The following DDIAS variants were observed in gnomAD, a reference collection of about 807,000 sequenced individuals.
DDIAS encodes DNA damage-induced apoptosis suppressor protein.
DDIAS carries 14 observed loss-of-function variants against 15.7 expected under a neutral mutation model. That is an observed-to-expected ratio of 0.89 (90% CI 0.59 to 1.39). The LOEUF is 1.39. Ranked by LOEUF, DDIAS falls within the 40% of genes most tolerant of loss-of-function variation. DDIAS has a pLI of 0.00. For missense variants in DDIAS, 1,035 were observed against 1,130.9 expected, an observed-to-expected ratio of 0.92 and a Z score of 1.22; for synonymous variants, 355 against 395.9, an observed-to-expected ratio of 0.90 and a Z score of 1.23.
chr11:82,928,177 C>CTTTTTTTTTTTTTTTTTTTTTTTTTT, intron 3 of DDIAS, among the ~76,000 whole-genome samples: 1 of 34,172 alleles, frequency 2.9e-5, no homozygotes, highest in Non-Finnish European at 5.6e-5. Flanking sequence ...TTTTTGTCCT[C>CTTTTTTTTTTTTTTTTTTTTTTTTTT]TTTTTTTTTT....
Position 82,934,469 on chromosome 11 carries a change from A to C in DDIAS, c.*134A>C. The C allele has an allele frequency of 1.2e-6, 1 of 860,092 alleles. No homozygotes were observed. The highest frequency in any genetic ancestry group is 3.4e-5 in the Admixed American group (1 of 29,760). 53.3% of individuals were successfully genotyped at this position (860,092 alleles called of 1,614,324 possible). On this transcript the variant is annotated 3_prime_UTR_variant, in exon 6 of 6. Coordinates refer to ENST00000533655, the MANE Select transcript of DDIAS (RefSeq NM_145018.4). ...TGAAAACAGGACTCTGCTGGGAGCT[A>C]CTGTGCCTTTTAAAATATAAAGCCA...
In DDIAS at chr11:82,928,839, T is replaced by G; in HGVS notation, c.176T>G (p.Leu59Arg). The change falls in exon 4 of 6, where the codon CTT becomes CGT. Residue 59 changes from leucine to arginine, a missense_variant. Leu to Arg is a moderately radical substitution (Grantham distance 102). Coordinates refer to ENST00000533655, the MANE Select transcript of DDIAS (RefSeq NM_145018.4). ...ESGNANYRYK[L>R]SLKVAESNKL... Reference sequence around the variant, plus strand: ...GGAAATGCCAATTACAGATACAAACTTTCCTTAAAAGTTGCAGAATCAAAC... The same window carrying G: ...GGAAATGCCAATTACAGATACAAACGTTCCTTAAAAGTTGCAGAATCAAAC... 2 of 1,613,338 alleles carry G rather than the reference T, an allele frequency of 1.2e-6. No homozygotes were observed. Among genetic ancestry groups the G allele is most frequent in the Non-Finnish European group, 1.7e-6 (2 of 1,179,752 alleles).
At chr11:82,904,887 C>T (rs1403831756) in intron 1 of DDIAS, among the ~76,000 whole-genome samples, 1 of 152,210 alleles carries the variant, frequency 6.6e-6, no homozygotes, top group Admixed American at 6.5e-5. Context: ...AACAGCTCTT[C>T]TTCAAGCAAC....
chr11:82,917,775 T>A (rs978489451), intron 3 of DDIAS, among the ~76,000 whole-genome samples: 3 of 152,218 alleles, frequency 2.0e-5, no homozygotes, highest in Non-Finnish European at 2.9e-5. Context: ...AATGTAGAAG[T>A]GTTCTCTGAT....
intron 3 of DDIAS, among the ~76,000 whole-genome samples, chr11:82,921,363 T>C (rs994711913): frequency 6.6e-6 from 1 of 152,134 alleles, no homozygotes; most frequent in Admixed American, 6.5e-5. Flanking sequence ...CCATTTACAT[T>C]CGATGTTAGT....
Position 82,928,820 on chromosome 11 carries a change from G to A in DDIAS, c.157G>A (p.Ala53Thr), listed in dbSNP as rs1302200658. Reference protein sequence around the residue: ...KCGSTGESGNANYRYKLSLKV... With the variant: ...KCGSTGESGNTNYRYKLSLKV... ...TGGCTCTACTGGTGAATCTGGAAAT[G>A]CCAATTACAGATACAAACTTTCCTT... The change falls in exon 4 of 6, where the codon GCC becomes ACC. Residue 53 changes from alanine (A) to threonine (T), a missense_variant. By Grantham distance (58) the Ala-to-Thr change is moderately conservative (BLOSUM62 0). Coordinates refer to ENST00000533655, the MANE Select transcript of DDIAS (RefSeq NM_145018.4). 1 of 1,613,388 alleles carries A rather than the reference G, an allele frequency of 6.2e-7. No individual in the cohort carries two copies. The highest frequency in any genetic ancestry group is 1.1e-5 in the South Asian group (1 of 90,894).
At chr11:82,910,638 A>G (rs1477825744) in intron 1 of DDIAS, among the ~76,000 whole-genome samples, 11 of 112,158 alleles carry the variant, frequency 9.8e-5, no homozygotes, top group Admixed American at 1.9e-4. Flanking sequence ...TTTTTTGAGA[A>G]CAAGTCTCAC....
In DDIAS at chr11:82,928,794, G is replaced by A; in HGVS notation, c.131G>A (p.Cys44Tyr). 2.5e-6 allele frequency: 4 copies of A among 1,613,292 alleles called. No individual in the cohort carries two copies. The highest frequency in any genetic ancestry group is 1.7e-4 in the Middle Eastern group (1 of 6,042). ...LVSKRSNCPK[C>Y]GSTGESGNAN... ...TTTTCTAGGTCTAATTGTCCAAAAT[G>A]TGGCTCTACTGGTGAATCTGGAAAT... Residue 44 changes from cysteine (C) to tyrosine (Y), a missense_variant, in exon 4 of 6, where the codon TGT (cysteine) becomes TAT (tyrosine). Physicochemically the swap from Cys to Tyr is radical, Grantham distance 194. Coordinates refer to ENST00000533655, the MANE Select transcript of DDIAS (RefSeq NM_145018.4).
chr11:82,917,223 TTG>T (rs950604990), intron 3 of DDIAS, among the ~76,000 whole-genome samples: 12 of 152,142 alleles, frequency 7.9e-5, no homozygotes, highest in African/African-American at 2.9e-4. Flanking sequence ...CAGTGGTGCT[TTG>T]TGAGATTTTG....
intron 3 of DDIAS, among the ~76,000 whole-genome samples, chr11:82,916,823 A>G (rs1283065958): frequency 6.6e-6 from 1 of 152,174 alleles, no homozygotes; most frequent in Non-Finnish European, 1.5e-5. Context: ...AAAGTTAAGT[A>G]ACTTACCGCA....
intron 3 of DDIAS, among the ~76,000 whole-genome samples, chr11:82,925,655 A>G (rs1421700953): frequency 6.6e-6 from 1 of 152,106 alleles, no homozygotes; most frequent in Admixed American, 6.6e-5. Flanking sequence ...CTATGGATCT[A>G]ATGTACAGCT....
In DDIAS at chr11:82,932,951, A is replaced by C. The variant is rs1861031337; in HGVS notation, c.1613A>C (p.Tyr538Ser). The C allele has an allele frequency of 6.2e-7, 1 of 1,612,154 alleles. No homozygotes were observed. The highest frequency in any genetic ancestry group is 8.5e-7 in the Non-Finnish European group (1 of 1,179,230). ...DMSEYFLPNP[Y>S]LSALSSSSKD... ...TCAGAATATTTTTTACCGAATCCTTACCTGTCAGCTCTGTCTTCATCTTCA... is the reference window on the plus strand; with the variant it reads ...TCAGAATATTTTTTACCGAATCCTTCCCTGTCAGCTCTGTCTTCATCTTCA... The change falls in exon 6 of 6, where the codon TAC (tyrosine) becomes TCC (serine). Residue 538 changes from tyrosine (Y) to serine (S), a missense_variant. Tyr to Ser is a moderately radical substitution (Grantham distance 144). Transcript: ENST00000533655.
chr11:82,913,848 G>T, intron 2 of DDIAS: 1 of 391,224 alleles, frequency 2.6e-6, no homozygotes, highest in Non-Finnish European at 5.0e-6. Context: ...TTAATGAGAT[G>T]CAGGAATGGG....
chr11:82,921,246 T>A (rs1403943840), intron 3 of DDIAS, among the ~76,000 whole-genome samples: 1 of 152,206 alleles, frequency 6.6e-6, no homozygotes, highest in Non-Finnish European at 1.5e-5. Flanking sequence ...CTTTACTTGA[T>A]GTTTATGTGA....
intron 3 of DDIAS, among the ~76,000 whole-genome samples, chr11:82,916,298 A>T (rs1860631667): frequency 6.6e-6 from 1 of 152,196 alleles, no homozygotes; most frequent in African/African-American, 2.4e-5. Flanking sequence ...TATTATTATT[A>T]TAATCTATTA....
chr11:82,932,304 G>T lies in DDIAS; in HGVS notation c.966G>T (p.Leu322=). 1 of 1,614,004 alleles carries T rather than the reference G, an allele frequency of 6.2e-7. No individual in the cohort carries two copies. The highest frequency in any genetic ancestry group is 8.5e-7 in the Non-Finnish European group (1 of 1,179,910). Residue 322 remains leucine (L), a synonymous_variant, in exon 6 of 6, where the codon CTG becomes CTT. Coordinates refer to ENST00000533655, the MANE Select transcript of DDIAS (RefSeq NM_145018.4). ...AACTTGGCTTACAAGCTAAGGAGCT[G>T]AGTGCAGTTCACAGCAGTCATCATG... is the stretch of plus-strand genomic sequence containing the variant. The part of the protein sequence containing the change: ...GKELGLQAKE[L]SAVHSSHHEI...
At chr11:82,920,113 A>C (rs1307760160) in intron 3 of DDIAS, among the ~76,000 whole-genome samples, 1 of 151,782 alleles carries the variant, frequency 6.6e-6, no homozygotes, top group Non-Finnish European at 1.5e-5. Context: ...TTAAGCTAGG[A>C]GGGTTGTATT....
intron 3 of DDIAS, among the ~76,000 whole-genome samples, chr11:82,922,334 C>T (rs1226979844): frequency 6.6e-6 from 1 of 152,210 alleles, no homozygotes; most frequent in Non-Finnish European, 1.5e-5. Context: ...TCTTATTCCT[C>T]AGGAACACCG....
At chr11:82,924,614 G>A (rs1442294525) in intron 3 of DDIAS, among the ~76,000 whole-genome samples, 1 of 152,172 alleles carries the variant, frequency 6.6e-6, no homozygotes, top group Non-Finnish European at 1.5e-5. Context: ...AGGATTTTGA[G>A]ACCAGCCTGG....
Sources: allele counts gnomAD v4.1 joint callset (sites outside exome capture counted in the v4.1 genomes callset), GRCh38; gene constraint gnomAD v4.1.1; transcripts MANE v1.5; gene names NCBI Gene and HGNC (gene_info 2026-07-23, HGNC 2026-07-21).